Variants in MYO1D observed in about 807,000 individuals in gnomAD.
MYO1D encodes the protein unconventional myosin-Id.
In MYO1D, 83 loss-of-function variants were observed where a neutral mutation model predicts 122.0. The observed-to-expected ratio is 0.68, with a 90% CI of 0.57 to 0.82. The LOEUF (loss-of-function observed/expected upper bound fraction) is 0.82. Ranked by LOEUF, MYO1D falls within the 40% of genes least tolerant of loss-of-function variation. MYO1D has a pLI of 0.00. For missense variants in MYO1D, 1,157 were observed against 1,269.5 expected, an observed-to-expected ratio of 0.91 and a Z score of 1.35; for synonymous variants, 464 against 446.9, an observed-to-expected ratio of 1.04 and a Z score of -0.48.
rs1393700578 is a variant in MYO1D at position 32,860,508 on chromosome 17, T to C, written c.95+16270A>G. Among the ~76,000 whole-genome samples the C allele has an allele frequency of 2.0e-5, 3 of 152,158 alleles. No homozygotes were observed. In the East Asian group the frequency reaches 5.8e-4, roughly 29 times the overall value. ...TCCATCTTTCTCACACCTACAACAA[T>C]GTTATTTTGTATTTGTATTGTTAAA... On this transcript the variant is annotated intron_variant, in intron 1 of 21. Transcript: ENST00000318217.
intron 11 of MYO1D, among the ~76,000 whole-genome samples, chr17:32,754,208 T>A (rs1424774822): frequency 2.0e-5 from 3 of 152,178 alleles, no homozygotes; most frequent in Admixed American, 2.0e-4. Flanking sequence ...GATAGGACAT[T>A]TGCCCATGTA....
intron 20 of MYO1D, among the ~76,000 whole-genome samples, chr17:32,625,864 C>T (rs1323654209): frequency 1.3e-5 from 2 of 152,132 alleles, no homozygotes; most frequent in African/African-American, 2.4e-5. Flanking sequence ...TGTTATCTGT[C>T]AAAGGGAGGG....
At chr17:32,801,086 G>A (rs2090457023) in intron 1 of MYO1D, among the ~76,000 whole-genome samples, 1 of 152,126 alleles carries the variant, frequency 6.6e-6, no homozygotes, top group Non-Finnish European at 1.5e-5. Flanking sequence ...GCTCATTTAA[G>A]CAGTAAGCAG....
intron 1 of MYO1D, among the ~76,000 whole-genome samples, chr17:32,841,339 T>C (rs2090879367): frequency 6.6e-6 from 1 of 151,972 alleles, no homozygotes; most frequent in Non-Finnish European, 1.5e-5. Context: ...CACGGTTGCA[T>C]GCTGTAGTCC....
At chr17:32,573,048 A>G (rs1267664263) in intron 21 of MYO1D, among the ~76,000 whole-genome samples, 3 of 148,154 alleles carry the variant, frequency 2.0e-5, no homozygotes, top group South Asian at 2.2e-4. Flanking sequence ...ATCACCTTCT[A>G]TGCGTGGCAC....
chr17:32,840,724 A>C (rs1350241493), intron 1 of MYO1D, among the ~76,000 whole-genome samples: 3 of 152,186 alleles, frequency 2.0e-5, no homozygotes, highest in Non-Finnish European at 4.4e-5. Context: ...AAACAGAGAG[A>C]AAGATGATTT....
At chr17:32,570,553 T>C (rs766249657) in intron 21 of MYO1D, among the ~76,000 whole-genome samples, 17 of 152,038 alleles carry the variant, frequency 1.1e-4, no homozygotes, top group Non-Finnish European at 1.6e-4. Flanking sequence ...GGGGTTTCAC[T>C]GTGTTAGCCA....
intron 2 of MYO1D, among the ~76,000 whole-genome samples, chr17:32,780,236 A>G (rs531055735): frequency 1.7e-3 from 256 of 152,022 alleles, no homozygotes; most frequent in Non-Finnish European, 2.7e-3. Flanking sequence ...TCAATATTTC[A>G]TTTTCGTTGG....
At chr17:32,584,261 A>G (rs1336805999) in intron 21 of MYO1D, among the ~76,000 whole-genome samples, 2 of 152,154 alleles carry the variant, frequency 1.3e-5, no homozygotes, top group East Asian at 1.9e-4. Flanking sequence ...CTTATTATAC[A>G]TGATACATTT....
At chr17:32,663,329 G>A (rs900948580) in intron 16 of MYO1D, among the ~76,000 whole-genome samples, 1 of 152,108 alleles carries the variant, frequency 6.6e-6, no homozygotes, top group African/African-American at 2.4e-5. Flanking sequence ...TCTGCCATTT[G>A]CCCCCAAACA....
chr17:32,515,687 C>T (rs543728641), intron 21 of MYO1D, among the ~76,000 whole-genome samples: 63 of 152,136 alleles, frequency 4.1e-4, no homozygotes, highest in Non-Finnish European at 6.9e-4. Flanking sequence ...GTCACTGAAC[C>T]TTGCTCCCAT....
At chr17:32,670,644 C>A (rs1208946343) in intron 16 of MYO1D, among the ~76,000 whole-genome samples, 2 of 152,198 alleles carry the variant, frequency 1.3e-5, no homozygotes, top group Non-Finnish European at 2.9e-5. Flanking sequence ...TTGATCCCCA[C>A]CTTTCACCTA....
chr17:32,500,595 A>C (rs147285751), intron 21 of MYO1D, among the ~76,000 whole-genome samples: 153 of 152,176 alleles, frequency 1.0e-3, no homozygotes, highest in African/African-American at 3.5e-3. Context: ...ACGTGTGTTG[A>C]GCTCACCACC....
At chr17:32,775,808 T>C in intron 4 of MYO1D, 56 bp downstream of exon 4, 2 of 1,379,534 alleles carry the variant, frequency 1.4e-6, no homozygotes, top group South Asian at 2.7e-5. Context: ...ATAAATATAA[T>C]TTGTTTAAAC....
At chr17:32,725,183 G>A (rs558167025) in intron 14 of MYO1D, among the ~76,000 whole-genome samples, 61 of 152,118 alleles carry the variant, frequency 4.0e-4, no homozygotes, top group African/African-American at 1.3e-3. Flanking sequence ...TATAATAAAG[G>A]AAATTAAGAA....
At chr17:32,851,091 G>C (rs560420792) in intron 1 of MYO1D, among the ~76,000 whole-genome samples, 123 of 152,246 alleles carry the variant, frequency 8.1e-4, no homozygotes, top group African/African-American at 2.8e-3. Context: ...CTTTGGCATT[G>C]TCTGGTGATC....
intron 21 of MYO1D, among the ~76,000 whole-genome samples, chr17:32,516,519 C>T (rs1402795534): frequency 6.6e-6 from 1 of 152,210 alleles, no homozygotes; most frequent in East Asian, 1.9e-4. Context: ...CATGAAGAGT[C>T]CCCATTTTCT....
chr17:32,632,709 C>T (rs932667303), intron 20 of MYO1D, among the ~76,000 whole-genome samples: 3 of 151,802 alleles, frequency 2.0e-5, no homozygotes, highest in Admixed American at 6.6e-5. Context: ...CTCTTTTTCC[C>T]TTCATATGGT....
chr17:32,557,105 G>C (rs1681130420), intron 21 of MYO1D, among the ~76,000 whole-genome samples: 1 of 148,992 alleles, frequency 6.7e-6, no homozygotes, highest in African/African-American at 2.5e-5. Context: ...CTTTCACTCG[G>C]CAGGCTTAGT....
Sources: gnomAD v4.1 joint callset for allele counts (sites outside exome capture counted in the v4.1 genomes callset) on GRCh38, gnomAD v4.1.1 for gene constraint, MANE v1.5 for transcripts, NCBI Gene and HGNC (gene_info 2026-07-23, HGNC 2026-07-21) for gene names.